The following IL15RA variants were observed in gnomAD, a reference collection of about 807,000 sequenced individuals.
IL15RA encodes interleukin 15 receptor subunit alpha.
In IL15RA, 26 loss-of-function variants were observed where a neutral mutation model predicts 24.2. That is an observed-to-expected ratio of 1.07 (90% CI 0.79 to 1.49). IL15RA has a LOEUF of 1.49. Ranked by LOEUF, IL15RA falls within the 40% of genes most tolerant of loss-of-function variation. The pLI, the probability that IL15RA is intolerant of heterozygous loss-of-function variation, is 0.00. For missense variants in IL15RA, 354 were observed against 356.4 expected, an observed-to-expected ratio of 0.99 and a Z score of 0.05; for synonymous variants, 166 against 157.6, an observed-to-expected ratio of 1.05 and a Z score of -0.40.
intron 1 of IL15RA, among the ~76,000 whole-genome samples, chr10:5,969,484 C>T (rs1000270987): frequency 2.6e-5 from 4 of 152,074 alleles, no homozygotes; most frequent in African/African-American, 9.7e-5. Flanking sequence ...GTGATCTTTC[C>T]ACCTCAGCCT....
chr10:5,968,964 C>T lies in IL15RA; in HGVS notation c.89-2625G>A. The T allele has an allele frequency of 6.5e-7, 1 of 1,535,064 alleles. No homozygotes were observed. ...TTTTGTACAGGAAGTGTTCCCTGCC[C>T]ATTTCCAGCAGCCGTGGACCTCCAG... On this transcript the variant is annotated intron_variant, in intron 1 of 6. Transcript: ENST00000379977. This position sits in a 1 kb window ranked among gnomAD's most constrained non-coding sequence, Gnocchi z 5.4.
downstream of IL15RA, among the ~76,000 whole-genome samples, chr10:5,949,789 T>TG (rs1833748630): frequency 1.3e-5 from 2 of 151,882 alleles, no homozygotes; most frequent in African/African-American, 4.8e-5. The surrounding 1 kb of genome is among the most constrained non-coding windows in gnomAD (Gnocchi z 4.4). Context: ...AAAAAAGTGG[T>TG]GGGGGGAGTT....
Position 5,953,048 on chromosome 10 carries a change from G to A in IL15RA, c.*47C>T, listed in dbSNP as rs1016695389. On this transcript the variant is annotated 3_prime_UTR_variant, in exon 7 of 7. Transcript: ENST00000379977. This position sits in a 1 kb window ranked among gnomAD's most constrained non-coding sequence, Gnocchi z 5.3. ...TTCTCAGTCGTCTTTAGCTAAAGCA[G>A]AGAGGCTCCTTCACTCCGGACTTAG... 3.6e-6 allele frequency: 5 copies of A among 1,379,216 alleles called. No homozygotes were observed. Among genetic ancestry groups the A allele is most frequent in the Non-Finnish European group, 5.2e-6 (5 of 966,770 alleles). 85.4% of individuals were successfully genotyped at this position (1,379,216 alleles called of 1,614,324 possible). A position where few individuals can be genotyped will look rare whatever the true frequency, so the allele number is the denominator to read the frequency against.
Position 5,953,099 on chromosome 10 carries a change from A to G in IL15RA, c.800T>C (p.Leu267Pro). 1 of 1,611,154 alleles carries G rather than the reference A, an allele frequency of 6.2e-7. No individual in the cohort carries two copies. Among genetic ancestry groups the G allele is most frequent in the Non-Finnish European group, 8.5e-7 (1 of 1,177,212 alleles). Residue 267 changes from leucine (L) to proline (P), a missense_variant, in exon 7 of 7, where the codon CTA becomes CCA. Leu to Pro is a moderately conservative substitution (Grantham distance 98). Coordinates refer to ENST00000379977, the MANE Select transcript of IL15RA (RefSeq NM_002189.4). The surrounding 1 kb of genome is among the most constrained non-coding windows in gnomAD (Gnocchi z 5.3). Reference protein sequence around the residue: ...DEDLENCSHHL With the variant: ...DEDLENCSHHP Reference sequence around the variant, plus strand: ...CTGGGCTGGTTTCCCCGAGTTTCATAGGTGGTGAGAGCAGTTTTCCAAGTC... The same window carrying G: ...CTGGGCTGGTTTCCCCGAGTTTCATGGGTGGTGAGAGCAGTTTTCCAAGTC...
chr10:5,963,908 G>C lies in IL15RA; in HGVS notation c.284-67C>G, dbSNP rs1000085300. 8 of 980,444 alleles carry C rather than the reference G, an allele frequency of 8.2e-6. No individual in the cohort carries two copies. Among genetic ancestry groups the C allele is most frequent in the Non-Finnish European group, 1.2e-5 (8 of 668,096 alleles). The allele number at this position is 980,444 out of a possible 1,614,324, so 60.7% of individuals were successfully genotyped here. On this transcript the variant is annotated intron_variant, in intron 2 of 6. Transcript: ENST00000379977. The surrounding 1 kb of genome is among the most constrained non-coding windows in gnomAD (Gnocchi z 5.3). ...TGGAACCTGGGCTGGCTTCAGAACG[G>C]GATACAAATAAAATATATCAACACA...
chr10:5,964,483 G>T lies in IL15RA; in HGVS notation c.284-642C>A, dbSNP rs1836158824. Among the ~76,000 whole-genome samples, 1 of 152,094 alleles carries T rather than the reference G, an allele frequency of 6.6e-6. No homozygotes were observed. The highest frequency in any genetic ancestry group is 6.5e-5 in the Admixed American group (1 of 15,272). ...ATACCTGGCTTACATTTCACTTGTT[G>T]AGCAGGAAAAAAGTCATTCAAAGCA... On this transcript the variant is annotated intron_variant, in intron 2 of 6. Coordinates refer to ENST00000379977, the MANE Select transcript of IL15RA (RefSeq NM_002189.4). This position sits in a 1 kb window ranked among gnomAD's most constrained non-coding sequence, Gnocchi z 5.6.
chr10:5,978,393 T>G (rs1165514468), upstream of IL15RA, among the ~76,000 whole-genome samples: 1 of 152,112 alleles, frequency 6.6e-6, no homozygotes, highest in African/African-American at 2.4e-5. This position sits in a 1 kb window ranked among gnomAD's most constrained non-coding sequence, Gnocchi z 5.2. Context: ...CAAGTGCAGA[T>G]TCTCAGGTCT....
rs537137914 is a variant in IL15RA, at chr10:5,953,031, C to T, written c.*64G>A. On this transcript the variant is annotated 3_prime_UTR_variant, in exon 7 of 7. Coordinates refer to ENST00000379977, the MANE Select transcript of IL15RA (RefSeq NM_002189.4). The surrounding 1 kb of genome is among the most constrained non-coding windows in gnomAD (Gnocchi z 5.3). Reference sequence around the variant, plus strand: ...CCGCTTCCTTGCACCTCTTCTCAGTCGTCTTTAGCTAAAGCAGAGAGGCTC... The same window carrying T: ...CCGCTTCCTTGCACCTCTTCTCAGTTGTCTTTAGCTAAAGCAGAGAGGCTC... 106 of 1,207,544 alleles carry T rather than the reference C, an allele frequency of 8.8e-5. 2 individuals carry two copies. In the African/African-American group the frequency reaches 1.2e-3, roughly 14 times the overall value. The allele number at this position is 1,207,544 out of a possible 1,614,324, so 74.8% of individuals were successfully genotyped here. A position where few individuals can be genotyped will look rare whatever the true frequency, so the allele number is the denominator to read the frequency against.
chr10:5,953,084 T>G lies in IL15RA; in HGVS notation c.*11A>C, dbSNP rs763486266. On this transcript the variant is annotated 3_prime_UTR_variant, in exon 7 of 7. Transcript: ENST00000379977. The surrounding 1 kb of genome is among the most constrained non-coding windows in gnomAD (Gnocchi z 5.3). ...TCACTCCGGACTTAGCTGGGCTGGT[T>G]TCCCCGAGTTTCATAGGTGGTGAGA... is the stretch of plus-strand genomic sequence containing the variant. The G allele has an allele frequency of 1.9e-6, 3 of 1,595,914 alleles. No homozygotes were observed. The Admixed American group carries it at 5.0e-5, about 27-fold the overall frequency.
downstream of IL15RA, among the ~76,000 whole-genome samples, chr10:5,951,047 C>T (rs1170021798): frequency 7.1e-6 from 1 of 141,286 alleles, no homozygotes; most frequent in Non-Finnish European, 1.5e-5. Flanking sequence ...AAGGCTGAGG[C>T]AGGAGAATGG....
In IL15RA at chr10:5,960,620, T is replaced by C; in HGVS notation, c.383-53A>G. On this transcript the variant is annotated intron_variant, in intron 3 of 6. Coordinates refer to ENST00000379977, the MANE Select transcript of IL15RA (RefSeq NM_002189.4). The surrounding 1 kb of genome is among the most constrained non-coding windows in gnomAD (Gnocchi z 5.1). ...CATCAGTGTGCAGACTCCCCTCCTC[T>C]CAGCTGCAGCACGGGGTGATGTGGG... The C allele has an allele frequency of 2.7e-6, 4 of 1,487,534 alleles. No individual in the cohort carries two copies. The highest frequency in any genetic ancestry group is 3.7e-6 in the Non-Finnish European group (4 of 1,073,234). 92.1% of individuals were successfully genotyped at this position (1,487,534 alleles called of 1,614,324 possible).
In IL15RA at chr10:5,952,812, T is replaced by C; in HGVS notation, c.*283A>G. 2 of 514,412 alleles carry C rather than the reference T, an allele frequency of 3.9e-6. No homozygotes were observed. The highest frequency in any genetic ancestry group is 6.9e-6 in the Non-Finnish European group (2 of 291,608). 31.9% of individuals were successfully genotyped at this position (514,412 alleles called of 1,614,324 possible). On this transcript the variant is annotated 3_prime_UTR_variant, in exon 7 of 7. Coordinates refer to ENST00000379977, the MANE Select transcript of IL15RA (RefSeq NM_002189.4). ...GTATTCCAGGCAGCTCACACTGTAA[T>C]GAAATAAAAATCCTGCTCAGAAGCC...
rs1833948121 is a variant in IL15RA, at chr10:5,952,433, T to C, written c.*662A>G. 6.6e-6 allele frequency: 1 copy of C among 152,658 alleles called. No individual in the cohort carries two copies. Among genetic ancestry groups the C allele is most frequent in the South Asian group, 2.1e-4 (1 of 4,830 alleles). 9.5% of individuals were successfully genotyped at this position (152,658 alleles called of 1,614,324 possible). ...GTTTATACAAGGTACAATGTCAAAA[T>C]ACAAATAATATATAATGTATAGATA... On this transcript the variant is annotated 3_prime_UTR_variant, in exon 7 of 7. Coordinates refer to ENST00000379977, the MANE Select transcript of IL15RA (RefSeq NM_002189.4).
rs1837426161 is a variant in IL15RA, at chr10:5,970,690, T to G, written c.89-4351A>C. 6.6e-6 allele frequency among the ~76,000 whole-genome samples: 1 copy of G among 152,116 alleles called. No individual in the cohort carries two copies. Among genetic ancestry groups the G allele is most frequent in the South Asian group, 2.1e-4 (1 of 4,836 alleles). ...ATATTGGTGATATTACTAACACTGT[T>G]TCATTTTATTATTTTATTTTTAAAA... is the stretch of plus-strand genomic sequence containing the variant. On this transcript the variant is annotated intron_variant, in intron 1 of 6. Transcript: ENST00000379977. This position sits in a 1 kb window ranked among gnomAD's most constrained non-coding sequence, Gnocchi z 4.1.
At chr10:5,969,013 C>A in intron 1 of IL15RA, 1 of 1,524,136 alleles carries the variant, frequency 6.6e-7, no homozygotes. Context: ...GGATCCTGAG[C>A]AAGGACTAAG....
Position 5,970,805 on chromosome 10 carries a change from G to T in IL15RA, c.89-4466C>A, listed in dbSNP as rs1837474727. ...AGACAGGGTCTAGCTCTGTCACCCA[G>T]GCTAGAGCACAATGGCATGATTATG... On this transcript the variant is annotated intron_variant, in intron 1 of 6. Transcript: ENST00000379977. The surrounding 1 kb of genome is among the most constrained non-coding windows in gnomAD (Gnocchi z 4.1). Among the ~76,000 whole-genome samples the T allele has an allele frequency of 1.3e-5, 2 of 150,234 alleles. No homozygotes were observed. The highest frequency in any genetic ancestry group is 3.0e-5 in the Non-Finnish European group (2 of 67,782).
At position 5,955,897 on chromosome 10, in the gene IL15RA, C is replaced by T. The variant is rs1834451896; in HGVS notation, c.692+482G>A. Among the ~76,000 whole-genome samples the T allele has an allele frequency of 6.6e-6, 1 of 152,154 alleles. No individual in the cohort carries two copies. The highest frequency in any genetic ancestry group is 6.5e-5 in the Admixed American group (1 of 15,286). On this transcript the variant is annotated intron_variant, in intron 6 of 6. Transcript: ENST00000379977. This position sits in a 1 kb window ranked among gnomAD's most constrained non-coding sequence, Gnocchi z 5.3. Reference sequence around the variant, plus strand: ...GGGGCACTTGGGCTTGGGCCTAGCTCACTGCTCCTCGGCTCTGGCACTCAT... The same window carrying T: ...GGGGCACTTGGGCTTGGGCCTAGCTTACTGCTCCTCGGCTCTGGCACTCAT...
At chr10:5,976,556 C>T (rs1042766923) in intron 1 of IL15RA, among the ~76,000 whole-genome samples, 1 of 152,150 alleles carries the variant, frequency 6.6e-6, no homozygotes, top group African/African-American at 2.4e-5. Flanking sequence ...TCATCAGACC[C>T]TCCAAGAGCT....
In IL15RA at chr10:5,960,026, A is replaced by G. The variant is rs1234186488; in HGVS notation, c.584-240T>C. Among the ~76,000 whole-genome samples the G allele has an allele frequency of 6.6e-6, 1 of 152,200 alleles. No individual in the cohort carries two copies. Among genetic ancestry groups the G allele is most frequent in the Non-Finnish European group, 1.5e-5 (1 of 68,036 alleles). On this transcript the variant is annotated intron_variant, in intron 4 of 6. Transcript: ENST00000379977. The surrounding 1 kb of genome is among the most constrained non-coding windows in gnomAD (Gnocchi z 5.1). ...ATTACCCTCAGCTCCTCCATTCCAC[A>G]GATCCTGGCCCCGGACTGTAGGCAG... is the stretch of plus-strand genomic sequence containing the variant.
Sources: allele counts gnomAD v4.1 joint callset (sites outside exome capture counted in the v4.1 genomes callset), GRCh38; gene constraint gnomAD v4.1.1; non-coding constraint Gnocchi (gnomAD v3.1); transcripts MANE v1.5; gene names NCBI Gene and HGNC (gene_info 2026-07-23, HGNC 2026-07-21).